ERG: variants seen among roughly 807,000 people sequenced by gnomAD.
ERG encodes ETS transcription factor ERG.
A neutral mutation model predicts 55.3 loss-of-function variants in ERG; 9 were observed. The observed-to-expected ratio is 0.16, with a 90% confidence interval of 0.10 to 0.28. The LOEUF is 0.28. ERG is among the 10% of genes least tolerant of loss of function. The pLI is 1.00. For synonymous variants in ERG, 223 were observed against 237.3 expected (o/e 0.94, Z 0.55); for missense variants, 434 against 631.6 (o/e 0.69, Z 3.35).
intron 1 of ERG, among the ~76,000 whole-genome samples, chr21:38,610,526 C>CGTGTGTGT (rs148197703): frequency 0.014 from 2,076 of 150,488 alleles, 35 homozygotes; most frequent in African/African-American, 0.046. Context: ...CGCGCACGCG[C>CGTGTGTGT]GTGTGTGTGT....
intron 2 of ERG, among the ~76,000 whole-genome samples, chr21:38,443,448 C>T (rs372340474): frequency 1.3e-5 from 2 of 152,148 alleles, no homozygotes; most frequent in African/African-American, 2.4e-5. Flanking sequence ...GTGTCTCCGC[C>T]GTGATCACGC....
chr21:38,516,322 T>C (rs951292127), intron 2 of ERG, among the ~76,000 whole-genome samples: 1 of 151,764 alleles, frequency 6.6e-6, no homozygotes, highest in African/African-American at 2.4e-5. Flanking sequence ...ATATACCCAA[T>C]AATGCACTGG....
At chr21:38,440,417 C>A (rs959096143) in intron 2 of ERG, among the ~76,000 whole-genome samples, 1 of 152,216 alleles carries the variant, frequency 6.6e-6, no homozygotes, top group African/African-American at 2.4e-5. Context: ...CTGCCCTGGC[C>A]CCTCGAGCTG....
intron 1 of ERG, among the ~76,000 whole-genome samples, chr21:38,450,130 C>G (rs952582819): frequency 6.6e-6 from 1 of 151,674 alleles, no homozygotes; most frequent in African/African-American, 2.4e-5. Context: ...GGTGGCTCAC[C>G]CCTGTAATCC....
chr21:38,369,605 C>T, the ERG span, among the ~76,000 whole-genome samples: 2 of 152,136 alleles, frequency 1.3e-5, no homozygotes, highest in East Asian at 1.9e-4. Flanking sequence ...GTTTATTTTG[C>T]TGTGCAGAAG....
Position 38,536,128 on chromosome 21 carries a change from T to A in ERG, c.-41+39534A>T, listed in dbSNP as rs374826930. On this transcript the variant is annotated intron_variant, in intron 2 of 8. Coordinates refer to the ERG transcript ENST00000398897. ...GTACATGTGATGATTTCCATCAGAC[T>A]CAGATTAAATATCTTGCTGGTAAGT... is the stretch of plus-strand genomic sequence containing the variant. 2.0e-5 allele frequency among the ~76,000 whole-genome samples: 3 copies of A among 152,244 alleles called. No homozygotes were observed. The East Asian group carries it at 5.8e-4, about 29-fold the overall frequency.
the ERG span, among the ~76,000 whole-genome samples, chr21:38,371,967 C>G: frequency 6.6e-6 from 1 of 152,014 alleles, no homozygotes; most frequent in Non-Finnish European, 1.5e-5. Context: ...ATGAAGCCAT[C>G]TGACTTTAGC....
At chr21:38,371,572 T>A in the ERG span, among the ~76,000 whole-genome samples, 21 of 152,064 alleles carry the variant, frequency 1.4e-4, no homozygotes, top group African/African-American at 4.8e-4. Context: ...TTGCTAGTAG[T>A]TAATAAGATA....
intron 1 of ERG, among the ~76,000 whole-genome samples, chr21:38,576,284 C>A (rs1427097030): frequency 6.6e-6 from 1 of 152,218 alleles, no homozygotes; most frequent in Non-Finnish European, 1.5e-5. Flanking sequence ...TTCATTCCAA[C>A]CACGACTCTG....
At chr21:38,472,667 G>A (rs1569126232) in intron 1 of ERG, among the ~76,000 whole-genome samples, 1 of 152,194 alleles carries the variant, frequency 6.6e-6, no homozygotes, top group Non-Finnish European at 1.5e-5. Context: ...GAAGCCCTGA[G>A]AGTCAGGAGG....
chr21:38,569,993 T>C (rs2059947613), intron 2 of ERG, among the ~76,000 whole-genome samples: 1 of 152,170 alleles, frequency 6.6e-6, no homozygotes, highest in Non-Finnish European at 1.5e-5. Flanking sequence ...CACTTTTCTG[T>C]AGATGGACAC....
chr21:38,373,736 T>C, the ERG span, among the ~76,000 whole-genome samples: 1 of 152,238 alleles, frequency 6.6e-6, no homozygotes, highest in Non-Finnish European at 1.5e-5. Context: ...GTTCTATTTC[T>C]TTTTGTATTC....
upstream of ERG, among the ~76,000 whole-genome samples, chr21:38,587,320 G>A (rs1429215364): frequency 2.0e-5 from 3 of 152,106 alleles, no homozygotes; most frequent in African/African-American, 7.2e-5. Flanking sequence ...TGGGGGAGGG[G>A]GACGGTGCAG....
At chr21:38,407,680 A>G (rs1024592489) in intron 3 of ERG, among the ~76,000 whole-genome samples, 1 of 142,830 alleles carries the variant, frequency 7.0e-6, no homozygotes, top group Non-Finnish European at 1.5e-5. Context: ...TATATCACCT[A>G]TATATAATAT....
intron 1 of ERG, among the ~76,000 whole-genome samples, chr21:38,614,919 C>T (rs191787547): frequency 5.3e-5 from 8 of 152,276 alleles, no homozygotes; most frequent in East Asian, 1.9e-4. Flanking sequence ...CAAGATTGTC[C>T]GGCTCTACTC....
At chr21:38,515,417 A>G (rs773205761) in intron 2 of ERG, among the ~76,000 whole-genome samples, 4 of 151,934 alleles carry the variant, frequency 2.6e-5, no homozygotes, top group Non-Finnish European at 4.4e-5. Flanking sequence ...AAGTAATAAG[A>G]TTGGATAGGA....
chr21:38,586,047 G>A (rs1044040416), upstream of ERG, among the ~76,000 whole-genome samples: 2 of 151,886 alleles, frequency 1.3e-5, no homozygotes, highest in Non-Finnish European at 2.9e-5. Context: ...AACAGTCATG[G>A]TCTTTGGCTT....
upstream of ERG, among the ~76,000 whole-genome samples, chr21:38,500,427 T>C (rs534043468): frequency 6.6e-6 from 1 of 152,364 alleles, no homozygotes; most frequent in South Asian, 2.1e-4. Flanking sequence ...TCTTGCCTAA[T>C]GCAAATCAAA....
intron 3 of ERG, among the ~76,000 whole-genome samples, chr21:38,418,270 A>AGTCTGTGTGTGT (rs1989369213): frequency 7.7e-6 from 1 of 130,336 alleles, no homozygotes; most frequent in Non-Finnish European, 1.7e-5. Flanking sequence ...AACATTTGGA[A>AGTCTGTGTGTGT]GTGTGTGTGT....
Sources: allele counts gnomAD v4.1 joint callset (sites outside exome capture counted in the v4.1 genomes callset), GRCh38; gene constraint gnomAD v4.1.1; transcripts MANE v1.5; gene names NCBI Gene and HGNC (gene_info 2026-07-23, HGNC 2026-07-21).